Variants in EIF2D observed in about 807,000 individuals in gnomAD.
EIF2D encodes hepatocellular carcinoma-associated antigen 56.
A neutral mutation model predicts 77.4 loss-of-function variants in EIF2D; 56 were observed. That is an observed-to-expected ratio of 0.72 (90% CI 0.58 to 0.90). EIF2D has a LOEUF of 0.90. Ranked by LOEUF, EIF2D falls within the 40% of genes least tolerant of loss-of-function variation. The pLI, the probability that EIF2D is intolerant of heterozygous loss-of-function variation, is 0.00. For missense variants in EIF2D, 574 were observed against 706.5 expected (o/e 0.81, Z 2.13); for synonymous variants, 230 against 271.0 (o/e 0.85, Z 1.49).
Position 206,602,335 on chromosome 1 carries a change from C to G in EIF2D, c.902+1G>C. 1 of 1,613,746 alleles carries G rather than the reference C, an allele frequency of 6.2e-7. No individual in the cohort carries two copies. On this transcript the variant is annotated splice_donor_variant, in intron 7 of 14. Transcript: ENST00000271764. LOFTEE classifies it high-confidence loss of function. ...CCAGCCCACATCAGTGCTTTCCATACCAGCAGGAGAACATGTGGCTGCCAA... is the reference window on the plus strand; with the variant it reads ...CCAGCCCACATCAGTGCTTTCCATAGCAGCAGGAGAACATGTGGCTGCCAA...
At chr1:206,602,631 G>A in intron 6 of EIF2D, 178 bp from the exon 7 acceptor site, 1 of 645,990 alleles carries the variant, frequency 1.5e-6, no homozygotes, top group Non-Finnish European at 2.7e-6. Flanking sequence ...GTTGACCCCA[G>A]AGAAGGAGTC....
chr1:206,605,291 C>G (rs1572408109), intron 5 of EIF2D, 109 bp downstream of exon 5: 1 of 660,262 alleles, frequency 1.5e-6, no homozygotes, highest in Non-Finnish European at 2.4e-6. Context: ...GGCTTAGCAA[C>G]TTGCTTAAAG....
intron 2 of EIF2D, 79 bp downstream of exon 2, chr1:206,611,105 C>A (rs1670460974): frequency 2.2e-6 from 3 of 1,358,738 alleles, no homozygotes; most frequent in African/African-American, 1.4e-5. Flanking sequence ...TTATGGGAGA[C>A]AATGGAAGAA....
rs548118356 is a variant in EIF2D, at chr1:206,592,134, T to C, written c.1685-289A>G. On this transcript the variant is annotated intron_variant, in intron 14 of 14. Transcript: ENST00000271764. The surrounding 1 kb of genome is among the most constrained non-coding windows in gnomAD (Gnocchi z 4.7). Reference sequence around the variant, plus strand: ...CTCATAACATTTCTTCTCAGTACCTTGTATGGGGTTCTTCACATAAAGAGG... The same window carrying C: ...CTCATAACATTTCTTCTCAGTACCTCGTATGGGGTTCTTCACATAAAGAGG... Among the ~76,000 whole-genome samples the C allele has an allele frequency of 4.5e-4, 68 of 152,348 alleles. No homozygotes were observed. Among genetic ancestry groups the C allele is most frequent in the African/African-American group, 1.5e-3 (63 of 41,566 alleles).
At chr1:206,593,416 TG>T (rs1258433489) in intron 14 of EIF2D, among the ~76,000 whole-genome samples, 3 of 151,722 alleles carry the variant, frequency 2.0e-5, no homozygotes, top group African/African-American at 7.3e-5. Flanking sequence ...CCAAAGGATC[TG>T]ATTCAAACAC....
intron 2 of EIF2D, chr1:206,581,246 C>T (rs1371888322): frequency 6.6e-6 from 1 of 152,270 alleles, no homozygotes; most frequent in Non-Finnish European, 1.5e-5. Flanking sequence ...TAGGTCAGGA[C>T]CCCTTGGGGA....
Position 206,584,374 on chromosome 1 carries a change from C to T in EIF2D, c.139-3212G>A, listed in dbSNP as rs1553407013. The T allele has an allele frequency of 2.5e-6, 4 of 1,599,892 alleles. No individual in the cohort carries two copies. The highest frequency in any genetic ancestry group is 2.2e-5 in the East Asian group (1 of 44,820). ...GACGGCCCTGACCCCCTGTGACATG[C>T]CCCCGCTGGCAGAGTGAAGACGGCA... On this transcript the variant is annotated intron_variant and NMD_transcript_variant, in intron 2 of 5. Coordinates refer to the EIF2D transcript ENST00000472709. The surrounding 1 kb of genome is among the most constrained non-coding windows in gnomAD (Gnocchi z 4.9).
chr1:206,602,835 C>G (rs921408749), intron 6 of EIF2D, 116 bp downstream of exon 6: 1 of 1,440,988 alleles, frequency 6.9e-7, no homozygotes, highest in African/African-American at 1.4e-5. Context: ...AAAATAAGGA[C>G]CTTCCCCTCC....
chr1:206,590,696 A>G (rs185055935), downstream of EIF2D, among the ~76,000 whole-genome samples: 1 of 152,252 alleles, frequency 6.6e-6, no homozygotes, highest in Admixed American at 6.5e-5. Context: ...TTTCAAACCC[A>G]TTCCTTTTTT....
In EIF2D at chr1:206,602,314, C is replaced by T. The variant is rs1178286607; in HGVS notation, c.902+22G>A. 5 of 1,605,222 alleles carry T rather than the reference C, an allele frequency of 3.1e-6. No homozygotes were observed. In the Admixed American group the frequency reaches 6.7e-5, roughly 21 times the overall value. Reference sequence around the variant, plus strand: ...GTGAGACCCCGGCCCCGGCCTCCAGCCCACATCAGTGCTTTCCATACCAGC... The same window carrying T: ...GTGAGACCCCGGCCCCGGCCTCCAGTCCACATCAGTGCTTTCCATACCAGC... On this transcript the variant is annotated intron_variant, in intron 7 of 14. Transcript: ENST00000271764.
intron 5 of EIF2D, chr1:206,571,638 G>GA (rs1203107526): frequency 6.6e-6 from 1 of 152,230 alleles, no homozygotes; most frequent in African/African-American, 2.4e-5. Flanking sequence ...GATGTTGTTG[G>GA]AAAATCCACT....
intron 4 of EIF2D, among the ~76,000 whole-genome samples, chr1:206,574,962 C>T (rs895090723): frequency 1.3e-5 from 2 of 149,502 alleles, no homozygotes; most frequent in Non-Finnish European, 3.0e-5. Flanking sequence ...CAGGTTCAAG[C>T]GATTCTTCCG....
chr1:206,575,862 G>A (rs1668621111), intron 4 of EIF2D, among the ~76,000 whole-genome samples: 1 of 152,204 alleles, frequency 6.6e-6, no homozygotes, highest in Non-Finnish European at 1.5e-5. Context: ...CACGGCTAAC[G>A]CCAAAGTCCA....
intron 2 of EIF2D, chr1:206,583,189 G>A (rs2103569472): frequency 2.2e-6 from 2 of 904,626 alleles, no homozygotes; most frequent in Non-Finnish European, 3.7e-6. Flanking sequence ...GGTTAGAGAG[G>A]CTTTGGGGAG....
intron 2 of EIF2D, 57 bp downstream of exon 2, chr1:206,611,127 C>A: frequency 6.8e-7 from 1 of 1,477,354 alleles, no homozygotes; most frequent in Non-Finnish European, 9.2e-7. Context: ...CAGAGAGAAG[C>A]AGATGTTAGG....
downstream of EIF2D, chr1:206,586,880 G>A: frequency 3.1e-6 from 5 of 1,614,158 alleles, no homozygotes; most frequent in Admixed American, 1.7e-5. Context: ...CCTGGAAAAA[G>A]AGGAGCAGGA....
At chr1:206,576,866 A>G (rs551997737) in intron 4 of EIF2D, among the ~76,000 whole-genome samples, 26 of 152,294 alleles carry the variant, frequency 1.7e-4, no homozygotes, top group African/African-American at 6.0e-4. Context: ...CAGTGGCACA[A>G]TCACGGCTCA....
downstream of EIF2D, chr1:206,589,458 G>A (rs569443193): frequency 5.9e-5 from 9 of 152,340 alleles, no homozygotes; most frequent in South Asian, 1.0e-3. Flanking sequence ...ATGCGTAGGC[G>A]GGAGGGCGCT....
rs782806231 is a variant in EIF2D at position 206,584,586 on chromosome 1, C to T, written c.139-3424G>A. On this transcript the variant is annotated intron_variant and NMD_transcript_variant, in intron 2 of 5. Transcript: ENST00000472709. The surrounding 1 kb of genome is among the most constrained non-coding windows in gnomAD (Gnocchi z 4.9). ...CAGCTGCACATCAGCAGCACCACCACCGTCAGTGAGGTCATCCAGGGGCTG... is the reference window on the plus strand; with the variant it reads ...CAGCTGCACATCAGCAGCACCACCATCGTCAGTGAGGTCATCCAGGGGCTG... 14 of 1,614,120 alleles carry T rather than the reference C, an allele frequency of 8.7e-6. No homozygotes were observed. The Admixed American group carries it at 1.8e-4, about 21-fold the overall frequency.
Sources: allele counts gnomAD v4.1 joint callset (sites outside exome capture counted in the v4.1 genomes callset), GRCh38; gene constraint gnomAD v4.1.1; non-coding constraint Gnocchi (gnomAD v3.1); transcripts MANE v1.5; gene names NCBI Gene and HGNC (gene_info 2026-07-23, HGNC 2026-07-21).